Variants in CD58 observed in about 807,000 individuals in gnomAD.
The protein encoded by CD58 is lymphocyte function-associated antigen 3.
Under a neutral mutation model 27.6 loss-of-function variants are expected in CD58, and 14 were observed. The ratio of observed to expected loss-of-function variants is 0.51; its 90% CI spans 0.34 to 0.79. The LOEUF (loss-of-function observed/expected upper bound fraction) is 0.79, where lower values mean the gene tolerates loss of function less well. CD58 is among the 30% of genes least tolerant of loss of function. The pLI, the probability that CD58 is intolerant of heterozygous loss-of-function variation, is 0.02. For synonymous variants in CD58, 117 were observed against 103.8 expected (o/e 1.13, Z -0.77); for missense variants, 268 against 301.7 (o/e 0.89, Z 0.83).
Position 116,529,347 on chromosome 1 carries a change from T to C in CD58, c.628+6618A>G, listed in dbSNP as rs547694122. On this transcript the variant is annotated intron_variant, in intron 3 of 5. Transcript: ENST00000369489. ...GATAAGGAGATAAGGAGGAGCAAAA[T>C]GTAGGAGCATGACACAAAGGCAAGA... 3.9e-5 allele frequency among the ~76,000 whole-genome samples: 6 copies of C among 152,318 alleles called. No homozygotes were observed. In the South Asian group the frequency reaches 1.2e-3, roughly 32 times the overall value.
chr1:116,539,448 G>C (rs1164215731), intron 2 of CD58, among the ~76,000 whole-genome samples: 1 of 152,078 alleles, frequency 6.6e-6, no homozygotes, highest in Non-Finnish European at 1.5e-5. Flanking sequence ...AGGGAATGCT[G>C]TATCAGGTCA....
chr1:116,518,720 A>G, intron 5 of CD58: 1 of 990,810 alleles, frequency 1.0e-6, no homozygotes, highest in Non-Finnish European at 1.2e-6. Context: ...TATTAAACCA[A>G]CACTGCTGCT....
chr1:116,526,719 A>C (rs1391357221), intron 3 of CD58, among the ~76,000 whole-genome samples: 1 of 152,206 alleles, frequency 6.6e-6, no homozygotes, highest in Non-Finnish European at 1.5e-5. Context: ...TGATATCCAC[A>C]AATGACTTCT....
In CD58 at chr1:116,533,130, C is replaced by T. The variant is rs1657671850; in HGVS notation, c.628+2835G>A. The T allele has an allele frequency of 9.3e-6, 7 of 753,066 alleles. No homozygotes were observed. In the East Asian group the frequency reaches 1.0e-4, roughly 11 times the overall value. The allele number at this position is 753,066 out of a possible 1,614,324, so 46.6% of individuals were successfully genotyped here. On this transcript the variant is annotated intron_variant, in intron 3 of 5. Coordinates refer to ENST00000369489, the MANE Select transcript of CD58 (RefSeq NM_001779.3). ...TGTGGTCCGCTCACGGAAAAAGTGT[C>T]CAATTTCAAAATCAGAGGCTAATAC...
chr1:116,543,900 G>GT (rs1298791135), intron 2 of CD58, among the ~76,000 whole-genome samples: 1 of 152,126 alleles, frequency 6.6e-6, no homozygotes, highest in African/African-American at 2.4e-5. Context: ...TCTGGCCTTG[G>GT]TAACAGAGTG....
In CD58 at chr1:116,518,113, T is replaced by C. The variant is rs577654126; in HGVS notation, c.743+1118A>G. 2.6e-5 allele frequency among the ~76,000 whole-genome samples: 4 copies of C among 152,310 alleles called. No individual in the cohort carries two copies. In the South Asian group the frequency reaches 8.3e-4, roughly 32 times the overall value. On this transcript the variant is annotated intron_variant, in intron 5 of 5. Transcript: ENST00000369489. ...TATCATTGTCATTTCTATATTATCA[T>C]TATGCCCATTTTCCACAGAAGACAA...
rs375958138 is a variant in CD58, at chr1:116,514,841, T to C, written c.744-19A>G. 1 of 1,544,030 alleles carries C rather than the reference T, an allele frequency of 6.5e-7. No homozygotes were observed. The highest frequency in any genetic ancestry group is 8.9e-7 in the Non-Finnish European group (1 of 1,120,494). On this transcript the variant is annotated intron_variant, in intron 5 of 5. Transcript: ENST00000369489. ...ATTGGAGCTACAAAAAAAAATCATA[T>C]TATTAACTTGTAAAATGCAGTAAAT...
At chr1:116,548,646 A>T (rs1658278259) in intron 1 of CD58, among the ~76,000 whole-genome samples, 1 of 152,166 alleles carries the variant, frequency 6.6e-6, no homozygotes, top group Non-Finnish European at 1.5e-5. Flanking sequence ...TTAGCAGTTA[A>T]GTTTTTGGGA....
At position 116,527,735 on chromosome 1, in the gene CD58, T is replaced by C. The variant is rs750545133; in HGVS notation, c.629-5752A>G. Among the ~76,000 whole-genome samples, 35 of 152,220 alleles carry C rather than the reference T, an allele frequency of 2.3e-4. No homozygotes were observed. Among genetic ancestry groups the C allele is most frequent in the Non-Finnish European group, 4.1e-4 (28 of 68,038 alleles). On this transcript the variant is annotated intron_variant, in intron 3 of 5. Coordinates refer to ENST00000369489, the MANE Select transcript of CD58 (RefSeq NM_001779.3). The surrounding 1 kb of genome is among the most constrained non-coding windows in gnomAD (Gnocchi z 4.4). Reference sequence around the variant, plus strand: ...CTCTGCTTCTATCTTCTAAAAGAGATTATAGAGAATTAGTATTTCTTCCTT... The same window carrying C: ...CTCTGCTTCTATCTTCTAAAAGAGACTATAGAGAATTAGTATTTCTTCCTT...
At position 116,536,491 on chromosome 1, in the gene CD58, A is replaced by G. The variant is rs1204062492; in HGVS notation, c.365-263T>C. ...CTTGAATTGTAATTCCCATGTGTCG[A>G]GAGAGGGACCTGGTGGGAGGTGATT... On this transcript the variant is annotated intron_variant, in intron 2 of 5. Transcript: ENST00000369489. The surrounding 1 kb of genome is among the most constrained non-coding windows in gnomAD (Gnocchi z 5.4). Among the ~76,000 whole-genome samples the G allele has an allele frequency of 6.6e-6, 1 of 152,082 alleles. No individual in the cohort carries two copies. The highest frequency in any genetic ancestry group is 1.5e-5 in the Non-Finnish European group (1 of 68,002).
In CD58 at chr1:116,519,329, T is replaced by C; in HGVS notation, c.707-62A>G. ...TGAAAAGAAAAGGTGAAATGTGGAG[T>C]TACTGACTGCCTATTAGAGGCCTAA... On this transcript the variant is annotated intron_variant, in intron 4 of 5. Coordinates refer to ENST00000369489, the MANE Select transcript of CD58 (RefSeq NM_001779.3). This position sits in a 1 kb window ranked among gnomAD's most constrained non-coding sequence, Gnocchi z 4.7. The C allele has an allele frequency of 1.3e-6, 2 of 1,489,334 alleles. No homozygotes were observed. Among genetic ancestry groups the C allele is most frequent in the Non-Finnish European group, 1.9e-6 (2 of 1,079,248 alleles). 92.3% of individuals were successfully genotyped at this position (1,489,334 alleles called of 1,614,324 possible).
At position 116,516,324 on chromosome 1, in the gene CD58, A is replaced by G. The variant is rs1657082951; in HGVS notation, c.744-1502T>C. On this transcript the variant is annotated intron_variant, in intron 5 of 5. Coordinates refer to ENST00000369489, the MANE Select transcript of CD58 (RefSeq NM_001779.3). This position sits in a 1 kb window ranked among gnomAD's most constrained non-coding sequence, Gnocchi z 6.1. Reference sequence around the variant, plus strand: ...GAACTTGAATAGTAAATAAAAATATACCAAGAAAAGTAAGCTCCTCTCTCA... The same window carrying G: ...GAACTTGAATAGTAAATAAAAATATGCCAAGAAAAGTAAGCTCCTCTCTCA... 6.6e-6 allele frequency among the ~76,000 whole-genome samples: 1 copy of G among 152,220 alleles called. No individual in the cohort carries two copies. Among genetic ancestry groups the G allele is most frequent in the African/African-American group, 2.4e-5 (1 of 41,460 alleles).
chr1:116,519,111 C>A lies in CD58; in HGVS notation c.743+120G>T. On this transcript the variant is annotated intron_variant, in intron 5 of 5. Transcript: ENST00000369489. The surrounding 1 kb of genome is among the most constrained non-coding windows in gnomAD (Gnocchi z 4.7). ...ATGGTTAGTATATCTGCTGATGTTA[C>A]TTCTTATTACTGTACAAGGCAACCA... The A allele has an allele frequency of 6.5e-7, 1 of 1,531,264 alleles. No individual in the cohort carries two copies. Among genetic ancestry groups the A allele is most frequent in the Non-Finnish European group, 8.8e-7 (1 of 1,136,898 alleles). 94.9% of individuals were successfully genotyped at this position (1,531,264 alleles called of 1,614,324 possible).
In CD58 at chr1:116,552,613, T is replaced by C. The variant is rs1455370482; in HGVS notation, c.71-8009A>G. Among the ~76,000 whole-genome samples, 1 of 152,218 alleles carries C rather than the reference T, an allele frequency of 6.6e-6. No homozygotes were observed. The highest frequency in any genetic ancestry group is 1.5e-5 in the Non-Finnish European group (1 of 68,040). ...ATGCACACTTCTCTACATCCCGCCT[T>C]TCCATTAATATGTCATAAAATCTCC... On this transcript the variant is annotated intron_variant, in intron 1 of 5. Transcript: ENST00000369489. The surrounding 1 kb of genome is among the most constrained non-coding windows in gnomAD (Gnocchi z 4.5).
chr1:116,525,200 C>G (rs1206333335), intron 3 of CD58, among the ~76,000 whole-genome samples: 2 of 152,224 alleles, frequency 1.3e-5, no homozygotes, highest in African/African-American at 4.8e-5. Flanking sequence ...CTGTGTTCCA[C>G]CTATTCATAT....
chr1:116,540,086 T>C (rs1252959404), intron 2 of CD58, among the ~76,000 whole-genome samples: 1 of 152,138 alleles, frequency 6.6e-6, no homozygotes, highest in Non-Finnish European at 1.5e-5. Context: ...TGAGATGTGA[T>C]GAAGGTCCAT....
chr1:116,518,601 T>C (rs1200426591), intron 5 of CD58: 3 of 875,792 alleles, frequency 3.4e-6, no homozygotes, highest in Non-Finnish European at 4.1e-6. Context: ...CTTCACACCC[T>C]GGGCCTTAAC....
At position 116,550,552 on chromosome 1, in the gene CD58, C is replaced by T. The variant is rs139718605; in HGVS notation, c.71-5948G>A. 3.1e-3 allele frequency among the ~76,000 whole-genome samples: 476 copies of T among 152,280 alleles called. 1 individual carries two copies. The highest frequency in any genetic ancestry group is 8.6e-3 in the African/African-American group (359 of 41,564). ...GCTATTTCCACCCTTCAAAGTCATCCATGAGGATCGGAATCAAATTCTTCC... is the reference window on the plus strand; with the variant it reads ...GCTATTTCCACCCTTCAAAGTCATCTATGAGGATCGGAATCAAATTCTTCC... On this transcript the variant is annotated intron_variant, in intron 1 of 5. Coordinates refer to ENST00000369489, the MANE Select transcript of CD58 (RefSeq NM_001779.3). The surrounding 1 kb of genome is among the most constrained non-coding windows in gnomAD (Gnocchi z 4.2).
intron 2 of CD58, among the ~76,000 whole-genome samples, chr1:116,537,136 G>T (rs1348451626): frequency 6.6e-6 from 1 of 152,176 alleles, no homozygotes; most frequent in Non-Finnish European, 1.5e-5. Flanking sequence ...CCTGCCTGTA[G>T]TCTCAGCTAC....
Sources: allele counts gnomAD v4.1 joint callset (sites outside exome capture counted in the v4.1 genomes callset), GRCh38; gene constraint gnomAD v4.1.1; non-coding constraint Gnocchi (gnomAD v3.1); transcripts MANE v1.5; gene names NCBI Gene and HGNC (gene_info 2026-07-23, HGNC 2026-07-21).